RGS6: variants seen among roughly 807,000 people sequenced by gnomAD.
The protein encoded by RGS6 is regulator of G protein signaling 6, also known as regulator of G-protein signaling 6.
A neutral mutation model predicts 78.5 loss-of-function variants in RGS6; 30 were observed. That is an observed-to-expected ratio of 0.38 (90% CI 0.29 to 0.52). The LOEUF is 0.52. Among genes scored for constraint, RGS6 ranks in the 20% least tolerant of loss-of-function variants. The pLI, the probability that RGS6 is intolerant of heterozygous loss-of-function variation, is 0.85. For synonymous variants in RGS6, 206 were observed against 206.0 expected, an observed-to-expected ratio of 1.00 and a Z score of 0.00; for missense variants, 495 against 609.7, an observed-to-expected ratio of 0.81 and a Z score of 1.98.
chr14:72,269,157 C>G (rs1193646941), intron 2 of RGS6, among the ~76,000 whole-genome samples: 2 of 151,250 alleles, frequency 1.3e-5, no homozygotes, highest in Non-Finnish European at 2.9e-5. Context: ...CCACCTTGCT[C>G]CAAGCCTCCA....
chr14:72,583,310 T>C, the RGS6 span, among the ~76,000 whole-genome samples: 1 of 152,230 alleles, frequency 6.6e-6, no homozygotes, highest in African/African-American at 2.4e-5. Context: ...ATTCCCCTAA[T>C]AAATCCTCTC....
chr14:72,629,588 G>C, the RGS6 span: 1 of 1,515,034 alleles, frequency 6.6e-7, no homozygotes, highest in Non-Finnish European at 8.9e-7. Flanking sequence ...CAGCTCTGTG[G>C]ATTTCTCCCT....
At chr14:72,351,361 C>G (rs1206564675) in intron 2 of RGS6, among the ~76,000 whole-genome samples, 3 of 152,188 alleles carry the variant, frequency 2.0e-5, no homozygotes, top group African/African-American at 4.8e-5. Flanking sequence ...CACCTACACC[C>G]TCATCAGTCC....
At chr14:72,119,256 C>T (rs1016523207) in intron 2 of RGS6, among the ~76,000 whole-genome samples, 23 of 152,142 alleles carry the variant, frequency 1.5e-4, no homozygotes, top group Non-Finnish European at 3.2e-4. Flanking sequence ...CTTTTTAACA[C>T]AGTTGAAGAT....
rs185690445 is a variant in RGS6 at position 72,328,257 on chromosome 14, T to C, written c.85-23838T>C. The stretch of plus-strand genomic sequence containing the variant: ...TTCTCTTTCAGAAACACACTCACAG[T>C]CATACCCAGAAATAATGTTTTACCA... On this transcript the variant is annotated intron_variant, in intron 2 of 17. Coordinates refer to ENST00000553525, the MANE Select transcript of RGS6 (RefSeq NM_001204424.2). Among the ~76,000 whole-genome samples, 6 of 152,098 alleles carry C rather than the reference T, an allele frequency of 3.9e-5. No individual in the cohort carries two copies. In the East Asian group the frequency reaches 1.2e-3, roughly 29 times the overall value.
intron 3 of RGS6, among the ~76,000 whole-genome samples, chr14:72,431,911 G>A (rs1043223142): frequency 6.6e-6 from 1 of 152,076 alleles, no homozygotes; most frequent in African/African-American, 2.4e-5. Flanking sequence ...CTTGGTATTT[G>A]GGATTTTCTC....
At chr14:72,397,447 G>A (rs1192817950) in intron 3 of RGS6, among the ~76,000 whole-genome samples, 6 of 151,402 alleles carry the variant, frequency 4.0e-5, no homozygotes, top group Admixed American at 2.0e-4. Context: ...AGGAGATTTT[G>A]GGCTGAGACG....
the RGS6 span, among the ~76,000 whole-genome samples, chr14:71,869,535 T>C: frequency 6.6e-6 from 1 of 152,208 alleles, no homozygotes; most frequent in African/African-American, 2.4e-5. Context: ...AGACTCAAAC[T>C]GAACTTAACA....
At chr14:71,872,862 A>G in the RGS6 span, among the ~76,000 whole-genome samples, 2 of 152,134 alleles carry the variant, frequency 1.3e-5, no homozygotes, top group African/African-American at 2.4e-5. Flanking sequence ...TCACTGTTCA[A>G]TTCCCACCTA....
intron 2 of RGS6, among the ~76,000 whole-genome samples, chr14:72,135,830 G>C (rs2096427983): frequency 6.6e-6 from 1 of 151,952 alleles, no homozygotes; most frequent in South Asian, 2.1e-4. Flanking sequence ...GATGTCTTAA[G>C]TGTTTAGGCT....
chr14:72,217,193 G>A (rs748695188), intron 2 of RGS6, among the ~76,000 whole-genome samples: 1 of 152,150 alleles, frequency 6.6e-6, no homozygotes, highest in Non-Finnish European at 1.5e-5. Flanking sequence ...GCCGTCTGTG[G>A]TGGGAAAGGA....
intron 6 of RGS6, among the ~76,000 whole-genome samples, chr14:72,460,259 G>A (rs1238098296): frequency 6.6e-6 from 1 of 152,216 alleles, no homozygotes; most frequent in African/African-American, 2.4e-5. Flanking sequence ...GATATTCTCA[G>A]TGGAGATTAT....
chr14:72,178,124 A>G (rs961204555), intron 2 of RGS6, among the ~76,000 whole-genome samples: 2 of 152,220 alleles, frequency 1.3e-5, no homozygotes, highest in Admixed American at 6.5e-5. Flanking sequence ...CAGGATGGAC[A>G]TAGGTTGGTG....
At chr14:72,147,752 A>T (rs921808438) in intron 2 of RGS6, among the ~76,000 whole-genome samples, 2 of 152,202 alleles carry the variant, frequency 1.3e-5, no homozygotes, top group African/African-American at 4.8e-5. Flanking sequence ...TGGCACCCAG[A>T]GGGCAAGGAA....
chr14:72,470,481 GTCT>G (rs1306249354), intron 8 of RGS6, among the ~76,000 whole-genome samples: 3 of 152,226 alleles, frequency 2.0e-5, no homozygotes, highest in African/African-American at 7.2e-5. Context: ...AGTAGCCCCT[GTCT>G]TCTTTTCCCT....
chr14:72,092,599 C>G (rs2095303502), intron 2 of RGS6, among the ~76,000 whole-genome samples: 1 of 152,150 alleles, frequency 6.6e-6, no homozygotes, highest in African/African-American at 2.4e-5. Context: ...CCAGGCTGGT[C>G]TCGAACTCCT....
chr14:72,264,389 T>C (rs1173687997), intron 2 of RGS6, among the ~76,000 whole-genome samples: 1 of 152,228 alleles, frequency 6.6e-6, no homozygotes, highest in Non-Finnish European at 1.5e-5. Context: ...TTTCAGCCAA[T>C]ATCTTCACTT....
intron 2 of RGS6, among the ~76,000 whole-genome samples, chr14:72,139,812 G>A (rs186996669): frequency 1.5e-4 from 23 of 152,056 alleles, no homozygotes; most frequent in African/African-American, 5.1e-4. Context: ...CATAGTAAGA[G>A]TCCTTCACAT....
At chr14:72,586,326 T>C in the RGS6 span, among the ~76,000 whole-genome samples, 1 of 152,146 alleles carries the variant, frequency 6.6e-6, no homozygotes, top group Non-Finnish European at 1.5e-5. Context: ...TTCCCACGGG[T>C]TTGAGTTAGC....
Sources: gnomAD v4.1 joint callset for allele counts (sites outside exome capture counted in the v4.1 genomes callset) on GRCh38, gnomAD v4.1.1 for gene constraint, MANE v1.5 for transcripts, NCBI Gene and HGNC (gene_info 2026-07-23, HGNC 2026-07-21) for gene names.